The following CAMTA1 variants were observed in gnomAD, a reference collection of about 807,000 sequenced individuals.
CAMTA1 encodes the protein calmodulin-binding transcription activator 1.
CAMTA1 carries 27 observed loss-of-function variants against 170.9 expected under a neutral mutation model. That is an observed-to-expected ratio of 0.16 (90% confidence interval 0.12 to 0.22). CAMTA1 has a LOEUF of 0.22. Among genes scored for constraint, CAMTA1 ranks in the 10% least tolerant of loss-of-function variants. The probability of loss-of-function intolerance (pLI) is 1.00; values close to 1 mark genes in which losing one functional copy is unlikely to be tolerated. For missense variants in CAMTA1, 1,619 were observed against 2,217.2 expected, an observed-to-expected ratio of 0.73 and a Z score of 5.42; for synonymous variants, 833 against 891.5, an observed-to-expected ratio of 0.93 and a Z score of 1.17.
chr1:7,690,337 T>C (rs952649867), intron 11 of CAMTA1, among the ~76,000 whole-genome samples: 5 of 152,104 alleles, frequency 3.3e-5, no homozygotes, highest in African/African-American at 1.2e-4. Context: ...AGCCCTCTGC[T>C]CCCTGGCCCT....
chr1:6,962,633 A>T (rs1014668764), intron 3 of CAMTA1, among the ~76,000 whole-genome samples: 35 of 4,250 alleles, frequency 8.2e-3, no homozygotes, highest in African/African-American at 0.038. Flanking sequence ...CTCTGGACCC[A>T]CCCCTCTTTC....
At chr1:7,684,510 G>A (rs1008202189) in intron 11 of CAMTA1, among the ~76,000 whole-genome samples, 3 of 152,152 alleles carry the variant, frequency 2.0e-5, no homozygotes, top group African/African-American at 2.4e-5. Context: ...GACCCTCTCT[G>A]GCCACTTGCA....
At chr1:6,888,331 A>G in intron 3 of CAMTA1, 1 of 827,286 alleles carries the variant, frequency 1.2e-6, no homozygotes, top group Non-Finnish European at 1.5e-6. Context: ...TGATTGAAGT[A>G]ACTGGAAGCC....
intron 11 of CAMTA1, among the ~76,000 whole-genome samples, chr1:7,707,685 G>A (rs938960758): frequency 6.6e-6 from 1 of 152,228 alleles, no homozygotes; most frequent in African/African-American, 2.4e-5. Context: ...CAGATGTGAT[G>A]TATTGAATTA....
intron 5 of CAMTA1, among the ~76,000 whole-genome samples, chr1:7,269,463 T>C (rs760581368): frequency 2.6e-5 from 4 of 152,224 alleles, no homozygotes; most frequent in Non-Finnish European, 5.9e-5. Context: ...ATCTTTGATG[T>C]ATCCCATGAG....
At chr1:7,757,582 C>T (rs904646556) in intron 22 of CAMTA1, among the ~76,000 whole-genome samples, 7 of 152,072 alleles carry the variant, frequency 4.6e-5, no homozygotes, top group Admixed American at 6.5e-5. Context: ...GCCTGGCCAA[C>T]GTGGTCAAAC....
chr1:7,448,123 C>T (rs1458750323), intron 5 of CAMTA1, among the ~76,000 whole-genome samples: 2 of 152,182 alleles, frequency 1.3e-5, no homozygotes, highest in Admixed American at 1.3e-4. Flanking sequence ...GTCTTGGTGC[C>T]CAAGCCCAGT....
At chr1:6,953,403 G>T (rs965400262) in intron 3 of CAMTA1, among the ~76,000 whole-genome samples, 3 of 152,206 alleles carry the variant, frequency 2.0e-5, no homozygotes, top group Admixed American at 1.3e-4. Flanking sequence ...CTTTCTCGCC[G>T]CGTGAGTCCC....
intron 4 of CAMTA1, among the ~76,000 whole-genome samples, chr1:7,105,326 C>G (rs1175854500): frequency 1.3e-5 from 2 of 152,194 alleles, no homozygotes; most frequent in Admixed American, 1.3e-4. Flanking sequence ...AAGGTCATTG[C>G]TTTGTGAGTT....
intron 7 of CAMTA1, among the ~76,000 whole-genome samples, chr1:7,651,861 C>T (rs1285154624): frequency 2.0e-5 from 3 of 152,250 alleles, no homozygotes; most frequent in East Asian, 3.8e-4. Context: ...TGCTGCCACC[C>T]GGTCTCCCAC....
intron 6 of CAMTA1, among the ~76,000 whole-genome samples, chr1:7,591,418 G>A (rs2095354359): frequency 1.3e-5 from 2 of 152,224 alleles, no homozygotes; most frequent in Admixed American, 1.3e-4. Flanking sequence ...ATTTTAACAA[G>A]TTCTTGGATA....
chr1:6,923,956 A>G (rs1682562248), intron 3 of CAMTA1, among the ~76,000 whole-genome samples: 1 of 151,982 alleles, frequency 6.6e-6, no homozygotes, highest in Admixed American at 6.5e-5. Context: ...ACCAGAGAGA[A>G]CCCCCATTAC....
intron 3 of CAMTA1, among the ~76,000 whole-genome samples, chr1:6,833,194 TAAAG>T: frequency 6.6e-6 from 1 of 152,330 alleles, no homozygotes; most frequent in East Asian, 1.9e-4. Flanking sequence ...AATAAGATGT[TAAAG>T]AACATTTTCT....
chr1:7,372,636 C>T (rs576691787), intron 5 of CAMTA1, among the ~76,000 whole-genome samples: 8 of 152,330 alleles, frequency 5.3e-5, no homozygotes, highest in African/African-American at 1.7e-4. Flanking sequence ...TAATTACAAT[C>T]GCCACAGTGA....
chr1:7,629,078 C>G (rs2095651727), intron 6 of CAMTA1, among the ~76,000 whole-genome samples: 1 of 152,218 alleles, frequency 6.6e-6, no homozygotes, highest in Non-Finnish European at 1.5e-5. Flanking sequence ...CGGAGCAACT[C>G]TTGCAGCATT....
intron 3 of CAMTA1, among the ~76,000 whole-genome samples, chr1:6,873,497 G>A (rs1292466709): frequency 6.6e-6 from 1 of 152,192 alleles, no homozygotes; most frequent in Non-Finnish European, 1.5e-5. Context: ...TGAGGGATGA[G>A]CTGGTTGATG....
At position 7,561,597 on chromosome 1, in the gene CAMTA1, G is replaced by A. The variant is rs1220484624; in HGVS notation, c.511-78803G>A. ...TCAGGGAGGAGGGGAGACTGTGGGC[G>A]GCTTGCGCAGCACCCTCTGCAGGCA... On this transcript the variant is annotated intron_variant, in intron 6 of 22. Coordinates refer to ENST00000303635, the MANE Select transcript of CAMTA1 (RefSeq NM_015215.4). This position sits in a 1 kb window ranked among gnomAD's most constrained non-coding sequence, Gnocchi z 5.3. Among the ~76,000 whole-genome samples, 3 of 152,080 alleles carry A rather than the reference G, an allele frequency of 2.0e-5. No individual in the cohort carries two copies. The highest frequency in any genetic ancestry group is 2.0e-4 in the East Asian group (1 of 5,114).
At chr1:7,390,075 T>C (rs1235375416) in intron 5 of CAMTA1, among the ~76,000 whole-genome samples, 1 of 152,142 alleles carries the variant, frequency 6.6e-6, no homozygotes, top group Non-Finnish European at 1.5e-5. Context: ...GCCGGACGGC[T>C]CTGGGTGCAG....
At chr1:6,847,291 G>T (rs1333799105) in intron 3 of CAMTA1, among the ~76,000 whole-genome samples, 1 of 152,082 alleles carries the variant, frequency 6.6e-6, no homozygotes, top group Non-Finnish European at 1.5e-5. Flanking sequence ...GTATTTTGAA[G>T]ATGATTAGAA....
Sources: gnomAD v4.1 joint callset for allele counts (sites outside exome capture counted in the v4.1 genomes callset) on GRCh38, gnomAD v4.1.1 for gene constraint, Gnocchi (gnomAD v3.1) non-coding constraint, MANE v1.5 for transcripts, NCBI Gene and HGNC (gene_info 2026-07-23, HGNC 2026-07-21) for gene names.